FLT3: variants seen among roughly 807,000 people sequenced by gnomAD.
FLT3 encodes receptor-type tyrosine-protein kinase FLT3.
Under a neutral mutation model 126.6 loss-of-function variants are expected in FLT3, and 46 were observed. The ratio of observed to expected loss-of-function variants is 0.36; its 90% CI spans 0.29 to 0.46. The LOEUF (loss-of-function observed/expected upper bound fraction) is 0.46. Among genes scored for constraint, FLT3 ranks in the 20% least tolerant of loss-of-function variants. FLT3 has a pLI of 1.00. For missense variants in FLT3, 1,069 were observed against 1,190.3 expected (o/e 0.90, Z 1.50); for synonymous variants, 404 against 434.4 (o/e 0.93, Z 0.87).
intron 2 of FLT3, among the ~76,000 whole-genome samples, chr13:28,069,396 G>C (rs1022330673): frequency 2.0e-5 from 3 of 152,096 alleles, no homozygotes; most frequent in African/African-American, 7.2e-5. Context: ...AACTAAACAG[G>C]GGTATAAACA....
rs746145338 is a variant in FLT3, at chr13:28,018,473, C to G, written c.2535G>C (p.Arg845Ser). The stretch of plus-strand genomic sequence containing the variant: ...TAGGAAATAGCAGCCTCACATTGCC[C>G]CTGACAACATAGTTGGAATCACTCA... ...DIMSDSNYVV[R>S]GNARLPVKWM... Residue 845 changes from arginine (R) to serine (S), a missense_variant, in exon 20 of 24, where the codon AGG (arginine) becomes AGC (serine). Arg to Ser is a moderately radical substitution (Grantham distance 110). Coordinates refer to ENST00000241453, the MANE Select transcript of FLT3 (RefSeq NM_004119.3). 4 of 1,613,996 alleles carry G rather than the reference C, an allele frequency of 2.5e-6. No individual in the cohort carries two copies. In the South Asian group the frequency reaches 3.3e-5, roughly 13 times the overall value.
chr13:28,069,306 G>A lies in FLT3; in HGVS notation c.165+1185C>T, dbSNP rs569055598. ...TATATGAGAACTCCTAAAGGGGATC[G>A]ACAACACTTGGTAACTGACCAAATG... is the stretch of plus-strand genomic sequence containing the variant. On this transcript the variant is annotated intron_variant, in intron 2 of 23. Transcript: ENST00000241453. Among the ~76,000 whole-genome samples, 13 of 152,260 alleles carry A rather than the reference G, an allele frequency of 8.5e-5. No homozygotes were observed. The South Asian group carries it at 2.7e-3, about 32-fold the overall frequency.
At chr13:28,085,964 TA>T (rs528024743) in intron 1 of FLT3, among the ~76,000 whole-genome samples, 420 of 152,158 alleles carry the variant, frequency 2.8e-3, no homozygotes, top group Non-Finnish European at 4.1e-3. Context: ...AAAATTACAT[TA>T]AAAAAATATC....
chr13:28,057,910 G>C (rs553621992), intron 3 of FLT3, among the ~76,000 whole-genome samples: 1 of 151,738 alleles, frequency 6.6e-6, no homozygotes, highest in Non-Finnish European at 1.5e-5. Flanking sequence ...AATGGCGCAG[G>C]CGCCTGTAAT....
intron 4 of FLT3, 61 bp downstream of exon 4, chr13:28,057,286 A>G: frequency 1.2e-6 from 1 of 822,534 alleles, no homozygotes; most frequent in East Asian, 2.4e-5. Context: ...CGGGTTCTAA[A>G]CCACTCCTTT....
At chr13:28,064,535 G>A (rs1474870526) in intron 2 of FLT3, among the ~76,000 whole-genome samples, 1 of 151,922 alleles carries the variant, frequency 6.6e-6, no homozygotes, top group Non-Finnish European at 1.5e-5. Context: ...TGGCACTACT[G>A]TACTCCAGCC....
chr13:28,022,287 G>A (rs1872462755), intron 19 of FLT3, among the ~76,000 whole-genome samples: 2 of 152,090 alleles, frequency 1.3e-5, no homozygotes, highest in Admixed American at 6.5e-5. Flanking sequence ...TGAGGCAGGT[G>A]GATTGCTTGA....
At chr13:28,042,188 T>A (rs6491253) in intron 9 of FLT3, among the ~76,000 whole-genome samples, 3,543 of 136,610 alleles carry the variant, frequency 0.026, 79 homozygotes, top group East Asian at 0.038. Flanking sequence ...ATAATAATAA[T>A]AAATAAAAAT....
intron 1 of FLT3, among the ~76,000 whole-genome samples, chr13:28,087,805 T>A (rs1297869940): frequency 6.6e-6 from 1 of 152,230 alleles, no homozygotes; most frequent in South Asian, 2.1e-4. Flanking sequence ...AATCTGGTAC[T>A]AATTCTCTCC....
chr13:28,008,343 A>G (rs1871097268), intron 23 of FLT3, among the ~76,000 whole-genome samples: 1 of 151,410 alleles, frequency 6.6e-6, no homozygotes, highest in South Asian at 2.1e-4. Context: ...TTGTTTTCTA[A>G]TAAATGAATT....
chr13:28,015,162 T>C lies in FLT3; in HGVS notation c.2748A>G (p.Glu916=). The C allele has an allele frequency of 6.3e-7, 1 of 1,580,204 alleles. No homozygotes were observed. The highest frequency in any genetic ancestry group is 8.7e-7 in the Non-Finnish European group (1 of 1,149,678). ...ACAGTCTGACTTGAACTTACATTTC[T>C]TCTGTAGCATAAAATGGCTGATCCA... is the stretch of plus-strand genomic sequence containing the variant. ...FKMDQPFYAT[E]EIYIIMQSCW... Residue 916 remains glutamate, a synonymous_variant, in exon 22 of 24, where the codon GAA becomes GAG. Coordinates refer to ENST00000241453, the MANE Select transcript of FLT3 (RefSeq NM_004119.3).
intron 23 of FLT3, among the ~76,000 whole-genome samples, chr13:28,004,818 A>G (rs1247397839): frequency 1.3e-5 from 2 of 152,162 alleles, no homozygotes; most frequent in African/African-American, 4.8e-5. Flanking sequence ...ATAAAATGTC[A>G]CCCTAGAAAT....
chr13:28,079,168 T>C (rs1878157876), intron 1 of FLT3, among the ~76,000 whole-genome samples: 1 of 152,202 alleles, frequency 6.6e-6, no homozygotes. Flanking sequence ...CTAAATCATC[T>C]TTCTCAAGTT....
chr13:28,007,235 A>T (rs1049094946), intron 23 of FLT3, among the ~76,000 whole-genome samples: 2 of 151,826 alleles, frequency 1.3e-5, no homozygotes, highest in African/African-American at 2.4e-5. Flanking sequence ...TTTCATCTGA[A>T]TGTTATTTAT....
intron 7 of FLT3, 40 bp from the exon 8 acceptor site, chr13:28,049,577 A>C: frequency 2.5e-6 from 4 of 1,612,840 alleles, no homozygotes; most frequent in Middle Eastern, 1.7e-4. Flanking sequence ...TAATGTTTTC[A>C]ATCCAGACTA....
intron 9 of FLT3, among the ~76,000 whole-genome samples, chr13:28,044,640 G>C (rs1874697480): frequency 1.3e-5 from 2 of 152,168 alleles, no homozygotes; most frequent in Non-Finnish European, 2.9e-5. Flanking sequence ...TCATGAAGAA[G>C]GAGGGCCCAT....
intron 23 of FLT3, among the ~76,000 whole-genome samples, chr13:28,009,062 G>A (rs1338461457): frequency 1.3e-5 from 2 of 151,706 alleles, no homozygotes; most frequent in African/African-American, 2.4e-5. Flanking sequence ...CTGCAGCCTC[G>A]ACTTCCTGGG....
At chr13:28,012,029 A>G (rs981628423) in intron 23 of FLT3, among the ~76,000 whole-genome samples, 2 of 152,040 alleles carry the variant, frequency 1.3e-5, no homozygotes, top group African/African-American at 4.8e-5. Context: ...CATGACCTCA[A>G]GTGATCCGCC....
intron 1 of FLT3, among the ~76,000 whole-genome samples, chr13:28,097,430 A>G (rs1238408689): frequency 6.6e-6 from 1 of 152,176 alleles, no homozygotes; most frequent in Non-Finnish European, 1.5e-5. Flanking sequence ...TTTTCAGTTT[A>G]AACAACAGGA....
Sources: gnomAD v4.1 joint callset for allele counts (sites outside exome capture counted in the v4.1 genomes callset) on GRCh38, gnomAD v4.1.1 for gene constraint, MANE v1.5 for transcripts, NCBI Gene and HGNC (gene_info 2026-07-23, HGNC 2026-07-21) for gene names.